Variants in PRKG1 observed in about 807,000 individuals in gnomAD.
PRKG1 encodes the protein cGMP-dependent protein kinase 1.
A neutral mutation model predicts 88.1 loss-of-function variants in PRKG1; 35 were observed. The observed-to-expected ratio is 0.40, with a 90% CI of 0.30 to 0.53. The LOEUF (loss-of-function observed/expected upper bound fraction) is 0.53, where lower values mean the gene tolerates loss of function less well. Among genes scored for constraint, PRKG1 ranks in the 20% least tolerant of loss-of-function variants. The pLI, the probability that PRKG1 is intolerant of heterozygous loss-of-function variation, is 0.59. For missense variants in PRKG1, 540 were observed against 839.8 expected (o/e 0.64, Z 4.41); for synonymous variants, 303 against 292.5 (o/e 1.04, Z -0.37).
At chr10:51,345,094 A>C (rs1199744210) in intron 2 of PRKG1, among the ~76,000 whole-genome samples, 1 of 152,216 alleles carries the variant, frequency 6.6e-6, no homozygotes, top group African/African-American at 2.4e-5. Flanking sequence ...TAACCAGAGA[A>C]CAAAAAAATG....
chr10:52,211,980 A>C (rs1265275272), intron 9 of PRKG1, among the ~76,000 whole-genome samples: 2 of 152,214 alleles, frequency 1.3e-5, no homozygotes, highest in African/African-American at 4.8e-5. Flanking sequence ...AATGCAAATT[A>C]ACTTTTTTAT....
Position 51,711,384 on chromosome 10 carries a change from G to A in PRKG1, c.593-93201G>A, listed in dbSNP as rs542414282. 1.6e-4 allele frequency among the ~76,000 whole-genome samples: 24 copies of A among 151,270 alleles called. 1 individual carries two copies. The South Asian group carries it at 3.4e-3, about 21-fold the overall frequency. ...CTCCCAAAGTGCTAGGATTACAGGC[G>A]TGAGCCACTGCGCCTGGCCTGACCT... On this transcript the variant is annotated intron_variant, in intron 3 of 17. Transcript: ENST00000373980.
intron 5 of PRKG1, chr10:51,910,310 T>C (rs1842188909): frequency 6.6e-6 from 1 of 152,146 alleles, no homozygotes; most frequent in Non-Finnish European, 1.5e-5. Flanking sequence ...TGTTTGCTAT[T>C]TGTTCCTGAT....
At chr10:51,516,544 G>C (rs1201833402) in intron 3 of PRKG1, among the ~76,000 whole-genome samples, 1 of 152,132 alleles carries the variant, frequency 6.6e-6, no homozygotes, top group Non-Finnish European at 1.5e-5. Flanking sequence ...TTTTGCCAGG[G>C]ACCCACTGCT....
intron 2 of PRKG1, among the ~76,000 whole-genome samples, chr10:51,387,195 AGC>A (rs1449087778): frequency 6.6e-6 from 1 of 151,980 alleles, no homozygotes; most frequent in African/African-American, 2.4e-5. Context: ...CTACAGGACA[AGC>A]AGCCCCATAA....
At chr10:51,048,266 C>G (rs773576893) in intron 1 of PRKG1, among the ~76,000 whole-genome samples, 11 of 151,504 alleles carry the variant, frequency 7.3e-5, no homozygotes, top group African/African-American at 2.4e-4. Flanking sequence ...CCCTTTCTTG[C>G]TCCCTCTTTC....
In PRKG1 at chr10:51,107,113, G is replaced by A. The variant is rs1240202561; in HGVS notation, c.311+32212G>A. 1.2e-4 allele frequency among the ~76,000 whole-genome samples: 18 copies of A among 152,118 alleles called. 1 individual carries two copies. On this transcript the variant is annotated intron_variant, in intron 1 of 17. Coordinates refer to ENST00000373980, the MANE Select transcript of PRKG1 (RefSeq NM_006258.4). ...TGATCTGAGATTGTACTTATTAAAA[G>A]GGGGTGGCCATGAAATGATCTGGGA...
chr10:52,195,552 T>C (rs549909711), intron 9 of PRKG1, among the ~76,000 whole-genome samples: 10 of 152,180 alleles, frequency 6.6e-5, no homozygotes, highest in Non-Finnish European at 1.3e-4. Flanking sequence ...GGGTTCATTA[T>C]ATTACTGGAA....
At chr10:52,163,952 G>A (rs373910281) in intron 9 of PRKG1, among the ~76,000 whole-genome samples, 1 of 152,084 alleles carries the variant, frequency 6.6e-6, no homozygotes. Flanking sequence ...AAGTGATTTT[G>A]GTCATGAATA....
At chr10:51,464,878 G>A (rs562379381) in intron 2 of PRKG1, among the ~76,000 whole-genome samples, 8 of 125,358 alleles carry the variant, frequency 6.4e-5, no homozygotes, top group East Asian at 4.7e-4. Flanking sequence ...GCGACAGAGC[G>A]AGACTCCGTC....
intron 5 of PRKG1, among the ~76,000 whole-genome samples, chr10:52,027,483 C>A (rs949873293): frequency 6.6e-6 from 1 of 152,142 alleles, no homozygotes; most frequent in Non-Finnish European, 1.5e-5. Flanking sequence ...TTATACACAA[C>A]ACTTTTTGTT....
intron 5 of PRKG1, among the ~76,000 whole-genome samples, chr10:52,021,712 A>T (rs959832716): frequency 1.3e-5 from 2 of 152,068 alleles, no homozygotes; most frequent in East Asian, 3.8e-4. Flanking sequence ...ATTGCATGAA[A>T]TTTTTTGTGA....
intron 3 of PRKG1, among the ~76,000 whole-genome samples, chr10:51,516,091 C>A (rs1589037330): frequency 1.3e-5 from 2 of 151,998 alleles, no homozygotes; most frequent in East Asian, 3.9e-4. Context: ...TTGTCTGGTG[C>A]CCAAGAGGAA....
intron 3 of PRKG1, among the ~76,000 whole-genome samples, chr10:51,553,657 G>T (rs1008530836): frequency 6.6e-6 from 1 of 150,670 alleles, no homozygotes; most frequent in African/African-American, 2.4e-5. Context: ...CCTCACTGTG[G>T]TTTTCAAGCA....
At chr10:51,202,562 A>T (rs2132057946) in intron 2 of PRKG1, among the ~76,000 whole-genome samples, 1 of 152,218 alleles carries the variant, frequency 6.6e-6, no homozygotes, top group African/African-American at 2.4e-5. Context: ...AAAGACATAG[A>T]CTCTTCTAAA....
At chr10:52,244,677 TTA>T (rs1564530152) in intron 9 of PRKG1, among the ~76,000 whole-genome samples, 2 of 142,898 alleles carry the variant, frequency 1.4e-5, no homozygotes, top group African/African-American at 5.0e-5. Flanking sequence ...ATATTTATTA[TTA>T]TATATTAAAT....
intron 1 of PRKG1, among the ~76,000 whole-genome samples, chr10:51,132,100 G>A (rs763810484): frequency 1.3e-4 from 20 of 152,020 alleles, no homozygotes; most frequent in Non-Finnish European, 2.6e-4. Context: ...TGGGTTTGAA[G>A]TATTAAAAAA....
chr10:51,182,940 C>CA (rs1445113965), intron 2 of PRKG1, among the ~76,000 whole-genome samples: 6 of 152,000 alleles, frequency 3.9e-5, no homozygotes, highest in African/African-American at 1.5e-4. Context: ...GGCCCAATTT[C>CA]AGTGGGAAAA....
At chr10:51,435,345 A>G (rs542921314) in intron 2 of PRKG1, among the ~76,000 whole-genome samples, 6 of 151,646 alleles carry the variant, frequency 4.0e-5, no homozygotes, top group Non-Finnish European at 5.9e-5. Flanking sequence ...CTGAACTTCA[A>G]TAGGGCTTAA....
Sources: allele counts gnomAD v4.1 joint callset (sites outside exome capture counted in the v4.1 genomes callset), GRCh38; gene constraint gnomAD v4.1.1; transcripts MANE v1.5; gene names NCBI Gene and HGNC (gene_info 2026-07-23, HGNC 2026-07-21).